RASSF2: variants seen among roughly 807,000 people sequenced by gnomAD.
The protein encoded by RASSF2 is Ras association domain family member 2.
A neutral mutation model predicts 46.3 loss-of-function variants in RASSF2; 34 were observed. That is an observed-to-expected ratio of 0.73 (90% CI 0.56 to 0.98). RASSF2 has a LOEUF of 0.98. Among genes scored for constraint, RASSF2 ranks in the 50% least tolerant of loss-of-function variants. The pLI, the probability that RASSF2 is intolerant of heterozygous loss-of-function variation, is 0.00. For synonymous variants in RASSF2, 158 were observed against 162.5 expected, an observed-to-expected ratio of 0.97 and a Z score of 0.21; for missense variants, 364 against 431.2, an observed-to-expected ratio of 0.84 and a Z score of 1.38.
rs1037847626 is a variant in RASSF2, at chr20:4,795,592, C to T, written c.287+223G>A. ...CCTCGTATGACTCAGCAGCTCCCCT[C>T]CTGTGACCTCATCAGTGATTGCAGT... is the stretch of plus-strand genomic sequence containing the variant. On this transcript the variant is annotated intron_variant, in intron 5 of 11. Coordinates refer to ENST00000379400, the MANE Select transcript of RASSF2 (RefSeq NM_014737.3). This position sits in a 1 kb window ranked among gnomAD's most constrained non-coding sequence, Gnocchi z 4.0. 2 of 475,518 alleles carry T rather than the reference C, an allele frequency of 4.2e-6. No homozygotes were observed. The highest frequency in any genetic ancestry group is 4.1e-5 in the African/African-American group (2 of 49,162). 29.5% of individuals were successfully genotyped at this position (475,518 alleles called of 1,614,324 possible).
At chr20:4,818,867 G>A (rs1384660833) in intron 2 of RASSF2, among the ~76,000 whole-genome samples, 1 of 152,324 alleles carries the variant, frequency 6.6e-6, no homozygotes, top group Non-Finnish European at 1.5e-5. Context: ...GCCAGGCTAA[G>A]CACATGATAG....
intron 9 of RASSF2, 31 bp from the exon 10 acceptor site, chr20:4,787,785 G>C: frequency 6.2e-7 from 1 of 1,613,596 alleles, no homozygotes; most frequent in South Asian, 1.1e-5. Context: ...GAGCAGCCCT[G>C]AGAGGCCTTT....
At position 4,812,942 on chromosome 20, in the gene RASSF2, C is replaced by T. The variant is rs755172736; in HGVS notation, c.-33+9387G>A. ...GCTGGGAGGTCTGGGGGATGGGAGG[C>T]GAGTGAGTGACCAGCCCAGAGGACA... is the stretch of plus-strand genomic sequence containing the variant. On this transcript the variant is annotated intron_variant, in intron 2 of 11. Coordinates refer to ENST00000379400, the MANE Select transcript of RASSF2 (RefSeq NM_014737.3). This position sits in a 1 kb window ranked among gnomAD's most constrained non-coding sequence, Gnocchi z 4.0. Among the ~76,000 whole-genome samples the T allele has an allele frequency of 2.6e-5, 4 of 152,020 alleles. No individual in the cohort carries two copies. The highest frequency in any genetic ancestry group is 7.3e-5 in the African/African-American group (3 of 41,376).
intron 2 of RASSF2, among the ~76,000 whole-genome samples, chr20:4,819,559 C>T (rs1928557558): frequency 6.6e-6 from 1 of 152,126 alleles, no homozygotes; most frequent in African/African-American, 2.4e-5. Flanking sequence ...CACCTTCTCC[C>T]ATCAGTCATT....
intron 2 of RASSF2, among the ~76,000 whole-genome samples, chr20:4,821,947 T>A (rs1928719127): frequency 6.6e-6 from 1 of 152,230 alleles, no homozygotes; most frequent in South Asian, 2.1e-4. Flanking sequence ...CCCAGGTAGA[T>A]GTCACACTGT....
chr20:4,790,084 A>T lies in RASSF2; in HGVS notation c.537+367T>A. On this transcript the variant is annotated intron_variant, in intron 7 of 11. Transcript: ENST00000379400. This position sits in a 1 kb window ranked among gnomAD's most constrained non-coding sequence, Gnocchi z 4.3. Reference sequence around the variant, plus strand: ...CTCTGCTTCAGCTCTGGGAAAAGCCAGACCATACACCAGCTGGGGGCACAG... The same window carrying T: ...CTCTGCTTCAGCTCTGGGAAAAGCCTGACCATACACCAGCTGGGGGCACAG... Among the ~76,000 whole-genome samples, 1 of 152,196 alleles carries T rather than the reference A, an allele frequency of 6.6e-6. No homozygotes were observed. Among genetic ancestry groups the T allele is most frequent in the Non-Finnish European group, 1.5e-5 (1 of 68,030 alleles).
intron 11 of RASSF2, 65 bp from the exon 12 acceptor site, chr20:4,784,407 C>A: frequency 6.7e-7 from 1 of 1,502,786 alleles, no homozygotes; most frequent in Non-Finnish European, 9.3e-7. Context: ...AGGACCTTCC[C>A]GGCCACCTGG....
At chr20:4,814,233 G>A (rs1928090831) in intron 2 of RASSF2, among the ~76,000 whole-genome samples, 1 of 152,194 alleles carries the variant, frequency 6.6e-6, no homozygotes, top group South Asian at 2.1e-4. Context: ...TGGCCCATCT[G>A]AGGGTTCGTC....
At chr20:4,792,749 C>T (rs567573900) in intron 5 of RASSF2, 122 bp from the exon 6 acceptor site, 4 of 1,466,272 alleles carry the variant, frequency 2.7e-6, no homozygotes, top group South Asian at 2.9e-5. Context: ...AGGCTGGGTA[C>T]TGGCACACAT....
chr20:4,821,883 A>G (rs1928714727), intron 2 of RASSF2, among the ~76,000 whole-genome samples: 1 of 152,172 alleles, frequency 6.6e-6, no homozygotes, highest in Admixed American at 6.5e-5. Flanking sequence ...AAACACAGCT[A>G]CTGCCCACCC....
chr20:4,798,220 A>ACACATG (rs1336677593), intron 3 of RASSF2, 135 bp from the exon 4 acceptor site: 4 of 1,359,330 alleles, frequency 2.9e-6, no homozygotes, highest in East Asian at 2.7e-5. Context: ...GTACATACAC[A>ACACATG]CACATGCACA....
Position 4,790,643 on chromosome 20 carries a change from G to T in RASSF2, c.377-32C>A. The T allele has an allele frequency of 1.3e-6, 2 of 1,503,832 alleles. No homozygotes were observed. Among genetic ancestry groups the T allele is most frequent in the Non-Finnish European group, 8.8e-7 (1 of 1,137,866 alleles). 93.2% of individuals were successfully genotyped at this position (1,503,832 alleles called of 1,614,324 possible). On this transcript the variant is annotated intron_variant, in intron 6 of 11. Coordinates refer to ENST00000379400, the MANE Select transcript of RASSF2 (RefSeq NM_014737.3). This position sits in a 1 kb window ranked among gnomAD's most constrained non-coding sequence, Gnocchi z 4.3. Reference sequence around the variant, plus strand: ...GAGGAGAGGGAAATGAACTCTGTCTGTCTGGACCTGGGACATGGCACATGG... The same window carrying T: ...GAGGAGAGGGAAATGAACTCTGTCTTTCTGGACCTGGGACATGGCACATGG...
intron 2 of RASSF2, among the ~76,000 whole-genome samples, chr20:4,820,011 C>T (rs1928587932): frequency 6.6e-6 from 1 of 152,172 alleles, no homozygotes; most frequent in Non-Finnish European, 1.5e-5. Flanking sequence ...AGTCTGCCAT[C>T]CCAGAAGTGA....
At position 4,789,608 on chromosome 20, in the gene RASSF2, GAGC is replaced by G; in HGVS notation, c.624_626del (p.Leu209del). The G allele has an allele frequency of 6.2e-7, 1 of 1,614,078 alleles. No homozygotes were observed. The highest frequency in any genetic ancestry group is 8.5e-7 in the Non-Finnish European group (1 of 1,179,974). On this transcript the variant is annotated inframe_deletion, in exon 8 of 12. Transcript: ENST00000379400. ...AAAGGGAACTTGCCTTAAATTTGTT[GAGC>G]AGCAGCTTCAGGACCTGTGGGGTGG...
chr20:4,804,590 C>T (rs1434790704), intron 2 of RASSF2, among the ~76,000 whole-genome samples: 3 of 152,122 alleles, frequency 2.0e-5, no homozygotes, highest in African/African-American at 4.8e-5. Flanking sequence ...CTGCCCGCCT[C>T]GGCCTCCCAG....
intron 6 of RASSF2, among the ~76,000 whole-genome samples, chr20:4,791,349 C>T (rs929788364): frequency 1.3e-5 from 2 of 152,024 alleles, no homozygotes; most frequent in Non-Finnish European, 2.9e-5. Context: ...GTGATGGTTG[C>T]GCAACATTAT....
At chr20:4,800,274 A>AC (rs1926749119) in intron 3 of RASSF2, among the ~76,000 whole-genome samples, 1 of 152,182 alleles carries the variant, frequency 6.6e-6, no homozygotes, top group African/African-American at 2.4e-5. Context: ...CATTAGCCAG[A>AC]CCCAGAGCAG....
Position 4,812,316 on chromosome 20 carries a change from AT to A in RASSF2, c.-33+10012del, listed in dbSNP as rs1448987701. ...CCAACCTCATTACGAAAGAAACTTT[AT>A]TATCCTCATTTTGCAGTTGAACAGT... On this transcript the variant is annotated intron_variant, in intron 2 of 11. Coordinates refer to ENST00000379400, the MANE Select transcript of RASSF2 (RefSeq NM_014737.3). This position sits in a 1 kb window ranked among gnomAD's most constrained non-coding sequence, Gnocchi z 4.0. 1.3e-5 allele frequency among the ~76,000 whole-genome samples: 2 copies of A among 152,182 alleles called. No individual in the cohort carries two copies. The highest frequency in any genetic ancestry group is 2.9e-5 in the Non-Finnish European group (2 of 68,032).
chr20:4,786,773 C>T (rs1360674885), intron 10 of RASSF2, among the ~76,000 whole-genome samples: 1 of 152,220 alleles, frequency 6.6e-6, no homozygotes, highest in African/African-American at 2.4e-5. Context: ...CTGTGGGTGG[C>T]TATGGGGTGA....
Sources: gnomAD v4.1 joint callset for allele counts (sites outside exome capture counted in the v4.1 genomes callset) on GRCh38, gnomAD v4.1.1 for gene constraint, Gnocchi (gnomAD v3.1) non-coding constraint, MANE v1.5 for transcripts, NCBI Gene and HGNC (gene_info 2026-07-23, HGNC 2026-07-21) for gene names.